The following IGF2R variants were observed in gnomAD, a reference collection of about 807,000 sequenced individuals.
The protein encoded by IGF2R is cation-independent mannose-6-phosphate receptor.
A neutral mutation model predicts 270.6 loss-of-function variants in IGF2R; 91 were observed. That is an observed-to-expected ratio of 0.34 (90% CI 0.28 to 0.40). The LOEUF (loss-of-function observed/expected upper bound fraction) is 0.40. IGF2R is among the 10% of genes least tolerant of loss of function. IGF2R has a pLI of 1.00. For synonymous variants in IGF2R, 1,316 were observed against 1,258.9 expected (o/e 1.05, Z -0.96); for missense variants, 2,805 against 3,188.3 (o/e 0.88, Z 2.90).
In IGF2R at chr6:160,009,139, G is replaced by C; in HGVS notation, c.414+5G>C. The C allele has an allele frequency of 6.2e-7, 1 of 1,610,442 alleles. No individual in the cohort carries two copies. The highest frequency in any genetic ancestry group is 8.5e-7 in the Non-Finnish European group (1 of 1,178,490). ...TTCCTGTGTGGGAAAACCCTGGTGA[G>C]TCCACACAGGCACTTGATGTATTTC... On this transcript the variant is annotated splice_donor_5th_base_variant and intron_variant, in intron 3 of 47. Transcript: ENST00000356956.
intron 5 of IGF2R, among the ~76,000 whole-genome samples, chr6:160,024,916 C>G (rs1777526345): frequency 1.3e-5 from 2 of 152,150 alleles, no homozygotes; most frequent in Non-Finnish European, 2.9e-5. Flanking sequence ...CCTGTAGATT[C>G]CATCCTAACT....
Position 160,060,649 on chromosome 6 carries a change from G to A in IGF2R, c.3194G>A (p.Arg1065Gln). 1.9e-6 allele frequency: 3 copies of A among 1,614,244 alleles called. No individual in the cohort carries two copies. The highest frequency in any genetic ancestry group is 1.1e-5 in the South Asian group (1 of 91,082). Residue 1065 changes from arginine to glutamine, a missense_variant, in exon 23 of 48, where the codon CGA becomes CAA. Transcript: ENST00000356956. ...GATATCGACTCTGGGCAAGGGATCC[G>A]AAACACTTACTTTGAGTTTGAAACC... ...HQDIDSGQGI[R>Q]NTYFEFETAL...
intron 16 of IGF2R, 131 bp from the exon 17 acceptor site, chr6:160,047,661 G>C: frequency 1.5e-6 from 1 of 684,728 alleles, no homozygotes; most frequent in Non-Finnish European, 2.6e-6. Context: ...AAAATGAAGG[G>C]AGATGGGCAG....
rs8191861 is a variant in IGF2R, at chr6:160,064,611, C to T, written c.4017+80C>T. The T allele has an allele frequency of 8.5e-4, 1,254 of 1,475,228 alleles. 10 individuals carry two copies. In the African/African-American group the frequency reaches 0.016, roughly 18 times the overall value. 91.4% of individuals were successfully genotyped at this position (1,475,228 alleles called of 1,614,324 possible). On this transcript the variant is annotated intron_variant, in intron 28 of 47. Coordinates refer to ENST00000356956, the MANE Select transcript of IGF2R (RefSeq NM_000876.4). Reference sequence around the variant, plus strand: ...GGGATCATATTAGAAAGAATCTGTCCTCAGATCTCATCAAATCTCCTGGTT... The same window carrying T: ...GGGATCATATTAGAAAGAATCTGTCTTCAGATCTCATCAAATCTCCTGGTT...
chr6:160,100,986 T>A (rs1277952628), intron 45 of IGF2R, among the ~76,000 whole-genome samples: 1 of 151,740 alleles, frequency 6.6e-6, no homozygotes, highest in Non-Finnish European at 1.5e-5. Flanking sequence ...GAGATGGGGT[T>A]TCACCATGTT....
chr6:160,058,096 A>G lies in IGF2R; in HGVS notation c.2870A>G (p.Asn957Ser), dbSNP rs753468699. 2.2e-5 allele frequency: 35 copies of G among 1,612,586 alleles called. No homozygotes were observed. Among genetic ancestry groups the G allele is most frequent in the South Asian group, 1.9e-4 (17 of 91,058 alleles). ...CCGCTAAACAGTTCGCAAGGATATA[A>G]CGTCTCTGGCATTGGGAAGATTTTT... ...LNPLNSSQGY[N>S]VSGIGKIFMF... is the part of the protein sequence containing the mutation. Residue 957 changes from asparagine (N) to serine (S), a missense_variant, in exon 21 of 48, where the codon AAC becomes AGC. Transcript: ENST00000356956.
intron 1 of IGF2R, among the ~76,000 whole-genome samples, chr6:159,980,183 A>AAAAGAAAGAG (rs1783760980): frequency 1.6e-5 from 2 of 121,874 alleles, no homozygotes; most frequent in Admixed American, 8.4e-5. Context: ...TCCGTCTCAA[A>AAAAGAAAGAG]AAAGAAAGAA....
At chr6:160,003,239 T>A (rs1239082922) in intron 2 of IGF2R, 1 of 152,246 alleles carries the variant, frequency 6.6e-6, no homozygotes, top group Non-Finnish European at 1.5e-5. Flanking sequence ...CTTTGACTCA[T>A]AAGATGTGAA....
intron 1 of IGF2R, among the ~76,000 whole-genome samples, chr6:159,987,666 A>G (rs368167219): frequency 1.6e-4 from 24 of 152,376 alleles, no homozygotes; most frequent in African/African-American, 5.3e-4. Context: ...CTGGGATTAC[A>G]GGCATGAGGC....
At chr6:159,993,853 A>G (rs1784013098) in intron 2 of IGF2R, among the ~76,000 whole-genome samples, 1 of 152,090 alleles carries the variant, frequency 6.6e-6, no homozygotes, top group African/African-American at 2.4e-5. Context: ...CTTCTAGGCC[A>G]TGATTTTTGC....
chr6:160,016,424 C>T (rs774424582), intron 4 of IGF2R, among the ~76,000 whole-genome samples: 1 of 152,220 alleles, frequency 6.6e-6, no homozygotes, highest in Non-Finnish European at 1.5e-5. Context: ...GAACACAAGA[C>T]AGTGATGCTT....
intron 4 of IGF2R, among the ~76,000 whole-genome samples, chr6:160,014,560 T>C (rs1777242681): frequency 6.6e-6 from 1 of 152,236 alleles, no homozygotes; most frequent in African/African-American, 2.4e-5. Context: ...CTAAGTGTCT[T>C]GGTGAAATGC....
chr6:160,019,065 G>C (rs888304774), intron 4 of IGF2R, among the ~76,000 whole-genome samples: 2 of 152,028 alleles, frequency 1.3e-5, no homozygotes, highest in African/African-American at 4.8e-5. Context: ...CTGTTGGTCA[G>C]ATTAACCAGA....
intron 9 of IGF2R, among the ~76,000 whole-genome samples, chr6:160,033,473 A>G (rs2115234183): frequency 6.6e-6 from 1 of 152,322 alleles, no homozygotes. Context: ...TTCTTGTGAA[A>G]CATAACTCCC....
chr6:160,078,488 G>A (rs1778903681), intron 37 of IGF2R, 126 bp downstream of exon 37: 5 of 850,634 alleles, frequency 5.9e-6, no homozygotes, highest in Non-Finnish European at 7.5e-6. Flanking sequence ...CCACTGGGCA[G>A]CATCTTGGTG....
intron 4 of IGF2R, among the ~76,000 whole-genome samples, chr6:160,019,161 G>T (rs1331844956): frequency 2.0e-5 from 3 of 152,108 alleles, no homozygotes; most frequent in Non-Finnish European, 4.4e-5. Context: ...GTGAACATCT[G>T]TGTACTCACA....
At position 160,050,454 on chromosome 6, in the gene IGF2R, A is replaced by T. The variant is rs1778168827; in HGVS notation, c.2515-19A>T. ...GTATCTTCAGGGGGAAAAGCCTAAC[A>T]AGACTGGTTTTCTTGCAGGGCTCCT... On this transcript the variant is annotated intron_variant, in intron 18 of 47. Transcript: ENST00000356956. This position sits in a 1 kb window ranked among gnomAD's most constrained non-coding sequence, Gnocchi z 4.0. 6.3e-7 allele frequency: 1 copy of T among 1,599,030 alleles called. No homozygotes were observed. Among genetic ancestry groups the T allele is most frequent in the Non-Finnish European group, 8.6e-7 (1 of 1,168,196 alleles).
At chr6:160,045,025 A>G (rs550260217) in intron 13 of IGF2R, among the ~76,000 whole-genome samples, 11 of 152,328 alleles carry the variant, frequency 7.2e-5, no homozygotes, top group African/African-American at 1.9e-4. Context: ...CTTAAACACA[A>G]TGTTAATTTT....
At chr6:160,016,582 A>G (rs1192561264) in intron 4 of IGF2R, among the ~76,000 whole-genome samples, 1 of 152,184 alleles carries the variant, frequency 6.6e-6, no homozygotes, top group Non-Finnish European at 1.5e-5. Context: ...TGCGTAGCCC[A>G]TCTGCTGAGA....
Sources: allele counts gnomAD v4.1 joint callset (sites outside exome capture counted in the v4.1 genomes callset), GRCh38; gene constraint gnomAD v4.1.1; non-coding constraint Gnocchi (gnomAD v3.1); transcripts MANE v1.5; gene names NCBI Gene and HGNC (gene_info 2026-07-23, HGNC 2026-07-21).